Variants in CPA6 observed in about 807,000 individuals in gnomAD.
The protein encoded by CPA6 is carboxypeptidase A6, also known as carboxypeptidase B.
CPA6 carries 58 observed loss-of-function variants against 63.3 expected under a neutral mutation model. That is an observed-to-expected ratio of 0.92 (90% CI 0.74 to 1.14). The LOEUF (loss-of-function observed/expected upper bound fraction) is 1.14, where lower values mean the gene tolerates loss of function less well. Among genes scored for constraint, CPA6 ranks in the 50% most tolerant of loss-of-function variants. The pLI is 0.00. For missense variants in CPA6, 565 were observed against 526.6 expected, an observed-to-expected ratio of 1.07 and a Z score of -0.71; for synonymous variants, 185 against 179.0, an observed-to-expected ratio of 1.03 and a Z score of -0.27.
At chr8:67,497,695 ACTT>A (rs1399089103) in intron 6 of CPA6, among the ~76,000 whole-genome samples, 60 of 148,026 alleles carry the variant, frequency 4.1e-4, no homozygotes, top group Middle Eastern at 6.8e-3. Flanking sequence ...AGTTTCCTCT[ACTT>A]TTTTTTTTTT....
chr8:67,665,822 CCT>C (rs1433965011), intron 1 of CPA6, among the ~76,000 whole-genome samples: 29 of 152,334 alleles, frequency 1.9e-4, no homozygotes, highest in African/African-American at 6.3e-4. Context: ...AGCTACTTAA[CCT>C]CTCTAGTCGG....
intron 1 of CPA6, among the ~76,000 whole-genome samples, chr8:67,729,614 T>C (rs1817668377): frequency 6.6e-6 from 1 of 152,196 alleles, no homozygotes; most frequent in South Asian, 2.1e-4. Flanking sequence ...GCATTCTGAG[T>C]GCTCAGGAGG....
chr8:67,499,535 G>C (rs1249898063), intron 6 of CPA6, among the ~76,000 whole-genome samples: 2 of 152,142 alleles, frequency 1.3e-5, no homozygotes, highest in Non-Finnish European at 2.9e-5. Flanking sequence ...TTGCCAAACT[G>C]TAGTATAATA....
At chr8:67,734,235 G>T (rs1292927051) in intron 1 of CPA6, among the ~76,000 whole-genome samples, 3 of 151,682 alleles carry the variant, frequency 2.0e-5, no homozygotes, top group Non-Finnish European at 4.4e-5. Context: ...TCAGGCATTG[G>T]GGGGAGCAAA....
rs1346483281 is a variant in CPA6, at chr8:67,612,956, CAT to C, written c.192+11218_192+11219del. 3.3e-5 allele frequency among the ~76,000 whole-genome samples: 5 copies of C among 152,218 alleles called. No individual in the cohort carries two copies. The East Asian group carries it at 9.6e-4, about 29-fold the overall frequency. On this transcript the variant is annotated intron_variant, in intron 2 of 10. Coordinates refer to ENST00000297770, the MANE Select transcript of CPA6 (RefSeq NM_020361.5). ...ACCTGAGCTCTGACTTTCAAATTCACATGTTTCTGATAATCAGCATTGCTGTA... is the reference window on the plus strand; with the variant it reads ...ACCTGAGCTCTGACTTTCAAATTCACGTTTCTGATAATCAGCATTGCTGTA...
At chr8:67,469,415 G>T (rs1025626261) in intron 8 of CPA6, among the ~76,000 whole-genome samples, 6 of 152,194 alleles carry the variant, frequency 3.9e-5, no homozygotes, top group Middle Eastern at 3.4e-3. Flanking sequence ...AGACCAGCCT[G>T]GTCAACATGG....
intron 2 of CPA6, among the ~76,000 whole-genome samples, chr8:67,595,606 C>A (rs960718889): frequency 2.0e-5 from 3 of 152,256 alleles, no homozygotes; most frequent in Non-Finnish European, 4.4e-5. Flanking sequence ...CCTCCCCCAG[C>A]CTTGCTGCCA....
chr8:67,562,218 C>T (rs1043440815), intron 2 of CPA6, among the ~76,000 whole-genome samples: 1 of 152,180 alleles, frequency 6.6e-6, no homozygotes, highest in Non-Finnish European at 1.5e-5. Flanking sequence ...GCCTTTCCAA[C>T]CTCAAATACA....
At chr8:67,525,536 A>G (rs1330193879) in intron 2 of CPA6, among the ~76,000 whole-genome samples, 1 of 152,210 alleles carries the variant, frequency 6.6e-6, no homozygotes, top group Non-Finnish European at 1.5e-5. Flanking sequence ...AGTTCTGGTA[A>G]AACTCTATTT....
intron 1 of CPA6, among the ~76,000 whole-genome samples, chr8:67,730,960 C>G (rs747878038): frequency 6.6e-6 from 1 of 152,172 alleles, no homozygotes; most frequent in Non-Finnish European, 1.5e-5. Context: ...TAAAAATTAT[C>G]CATTCTTAAG....
chr8:67,465,267 G>T (rs1810899890), intron 8 of CPA6, among the ~76,000 whole-genome samples: 1 of 151,820 alleles, frequency 6.6e-6, no homozygotes. Context: ...TTTGTCTATT[G>T]TAAATGGAAT....
At chr8:67,702,427 C>A (rs913853533) in intron 1 of CPA6, among the ~76,000 whole-genome samples, 4 of 152,096 alleles carry the variant, frequency 2.6e-5, no homozygotes, top group African/African-American at 9.6e-5. Context: ...GGCTCCCACC[C>A]CCACCAGGAA....
At chr8:67,625,412 G>C (rs1815174125) in intron 1 of CPA6, among the ~76,000 whole-genome samples, 1 of 152,180 alleles carries the variant, frequency 6.6e-6, no homozygotes, top group African/African-American at 2.4e-5. Flanking sequence ...TTAAGGTGTT[G>C]CTGTGTCTGT....
At chr8:67,570,203 A>G (rs1309150590) in intron 2 of CPA6, 1 of 152,196 alleles carries the variant, frequency 6.6e-6, no homozygotes, top group African/African-American at 2.4e-5. Flanking sequence ...AAAAAGGAAT[A>G]TTTTATCCAG....
chr8:67,634,179 AATTATTATTATT>A lies in CPA6; in HGVS notation c.117-9940_117-9929del, dbSNP rs36123716. ...TTCCTTTCTCCAAGTCACTGGATTT[AATTATTATTATT>A]ATTATTATTATTATTATTATTATTA... is the stretch of plus-strand genomic sequence containing the variant. On this transcript the variant is annotated intron_variant, in intron 1 of 10. Transcript: ENST00000297770. Among the ~76,000 whole-genome samples, 539 of 139,900 alleles carry A rather than the reference AATTATTATTATT, an allele frequency of 3.9e-3. 6 individuals are homozygous for A. Among genetic ancestry groups the A allele is most frequent in the East Asian group, 6.5e-3 (32 of 4,892 alleles). 91.8% of individuals were successfully genotyped at this position (139,900 alleles called of 152,430 possible). A position where few individuals can be genotyped will look rare whatever the true frequency, so the allele number is the denominator to read the frequency against.
chr8:67,650,172 T>G (rs1815804512), intron 1 of CPA6, among the ~76,000 whole-genome samples: 1 of 152,140 alleles, frequency 6.6e-6, no homozygotes, highest in Non-Finnish European at 1.5e-5. Context: ...GCTGGCTGTA[T>G]AAATGTAACC....
chr8:67,591,158 C>T (rs1349580660), intron 2 of CPA6, among the ~76,000 whole-genome samples: 2 of 152,062 alleles, frequency 1.3e-5, no homozygotes, highest in Non-Finnish European at 2.9e-5. Context: ...TTCCCCATTG[C>T]TTGTTTTTCT....
intron 2 of CPA6, among the ~76,000 whole-genome samples, chr8:67,581,875 C>T (rs1009235146): frequency 1.3e-5 from 2 of 151,984 alleles, no homozygotes; most frequent in African/African-American, 2.4e-5. Flanking sequence ...AGGGAAGGAT[C>T]GTAAGATTGC....
intron 8 of CPA6, among the ~76,000 whole-genome samples, chr8:67,446,373 C>G (rs1810417242): frequency 6.6e-6 from 1 of 151,572 alleles, no homozygotes; most frequent in Admixed American, 6.6e-5. Flanking sequence ...CCAGGCTGGT[C>G]CTCGGCCTTC....
Sources: gnomAD v4.1 joint callset for allele counts (sites outside exome capture counted in the v4.1 genomes callset) on GRCh38, gnomAD v4.1.1 for gene constraint, MANE v1.5 for transcripts, NCBI Gene and HGNC (gene_info 2026-07-23, HGNC 2026-07-21) for gene names.